Variants in KCNQ3 observed in about 807,000 individuals in gnomAD.
KCNQ3 encodes the protein potassium voltage-gated channel subfamily KQT member 3.
KCNQ3 carries 30 observed loss-of-function variants against 92.5 expected under a neutral mutation model. That is an observed-to-expected ratio of 0.32 (90% CI 0.24 to 0.44). The LOEUF is 0.44. Ranked by LOEUF, KCNQ3 falls within the 20% of genes least tolerant of loss-of-function variation. KCNQ3 has a pLI of 1.00. For missense variants in KCNQ3, 913 were observed against 1,140.3 expected (o/e 0.80, Z 2.87); for synonymous variants, 450 against 468.8 (o/e 0.96, Z 0.52).
chr8:132,265,766 CA>C (rs1185583804), intron 1 of KCNQ3, among the ~76,000 whole-genome samples: 2 of 152,192 alleles, frequency 1.3e-5, no homozygotes, highest in African/African-American at 4.8e-5. Context: ...CCTTATGTGT[CA>C]ATCTGTCTTA....
chr8:132,175,979 A>G (rs2130135737), intron 4 of KCNQ3, among the ~76,000 whole-genome samples: 1 of 152,310 alleles, frequency 6.6e-6, no homozygotes, highest in South Asian at 2.1e-4. Flanking sequence ...TGCGTAGAGC[A>G]AGGAGAAAGC....
chr8:132,372,503 C>A (rs1298570498), intron 1 of KCNQ3, among the ~76,000 whole-genome samples: 1 of 152,090 alleles, frequency 6.6e-6, no homozygotes, highest in Non-Finnish European at 1.5e-5. Flanking sequence ...CACCTGTAAT[C>A]CCAGCACTTT....
At chr8:132,228,963 A>G (rs1163204308) in intron 1 of KCNQ3, among the ~76,000 whole-genome samples, 2 of 150,338 alleles carry the variant, frequency 1.3e-5, no homozygotes, top group African/African-American at 2.5e-5. Context: ...TATCATAAAA[A>G]TCTTTCTGGA....
At chr8:132,445,776 C>A (rs899439221) in intron 1 of KCNQ3, among the ~76,000 whole-genome samples, 1 of 151,134 alleles carries the variant, frequency 6.6e-6, no homozygotes, top group Non-Finnish European at 1.5e-5. Context: ...CTCACAACTA[C>A]CCCATTTCAC....
rs901527695 is a variant in KCNQ3, at chr8:132,130,143, C to T, written c.1885-147G>A. On this transcript the variant is annotated intron_variant, in intron 14 of 14. Coordinates refer to ENST00000388996, the MANE Select transcript of KCNQ3 (RefSeq NM_004519.4). ...TGTCACCCAGGCTGGAGTGCAGTGG[C>T]GCGATCTGGGCTCATTGCAACTTCC... is the stretch of plus-strand genomic sequence containing the variant. 3.4e-5 allele frequency: 31 copies of T among 925,074 alleles called. 1 individual carries two copies. The East Asian group carries it at 3.7e-4, about 11-fold the overall frequency. The allele number at this position is 925,074 out of a possible 1,614,324, so 57.3% of individuals were successfully genotyped here. A position where few individuals can be genotyped will look rare whatever the true frequency, so the allele number is the denominator to read the frequency against.
At chr8:132,220,359 G>C (rs1352249138) in intron 1 of KCNQ3, among the ~76,000 whole-genome samples, 3 of 152,182 alleles carry the variant, frequency 2.0e-5, no homozygotes, top group African/African-American at 7.2e-5. Flanking sequence ...GCCAACTTAA[G>C]CTGGTTCTCC....
At chr8:132,458,896 T>G (rs1822002454) in intron 1 of KCNQ3, among the ~76,000 whole-genome samples, 1 of 152,262 alleles carries the variant, frequency 6.6e-6, no homozygotes, top group Non-Finnish European at 1.5e-5. Flanking sequence ...TAATGCATTT[T>G]TATTAACTAA....
intron 1 of KCNQ3, among the ~76,000 whole-genome samples, chr8:132,349,302 AC>A (rs1478232363): frequency 2.0e-5 from 3 of 152,246 alleles, no homozygotes; most frequent in Non-Finnish European, 4.4e-5. Flanking sequence ...GATTTACTTT[AC>A]ACTAAACTAG....
intron 1 of KCNQ3, among the ~76,000 whole-genome samples, chr8:132,323,047 G>A (rs891993407): frequency 6.6e-6 from 1 of 152,166 alleles, no homozygotes; most frequent in African/African-American, 2.4e-5. Context: ...AGCTGGACGT[G>A]CTTCCCTGCC....
intron 1 of KCNQ3, among the ~76,000 whole-genome samples, chr8:132,189,888 CAAAAAAA>C (rs776683880): frequency 3.6e-4 from 23 of 64,084 alleles, no homozygotes; most frequent in South Asian, 6.4e-4. Context: ...TAAAAATGAC[CAAAAAAA>C]AAAAAAAAAA....
chr8:132,325,398 G>T (rs1030356600), intron 1 of KCNQ3, among the ~76,000 whole-genome samples: 1 of 152,138 alleles, frequency 6.6e-6, no homozygotes, highest in African/African-American at 2.4e-5. Flanking sequence ...ACGACTGGCT[G>T]GTGTCATGGG....
chr8:132,177,487 A>G (rs1371606694), intron 4 of KCNQ3, among the ~76,000 whole-genome samples: 2 of 152,140 alleles, frequency 1.3e-5, no homozygotes, highest in Non-Finnish European at 2.9e-5. Context: ...ATTCTGCAGG[A>G]TTCTCCAGGT....
At chr8:132,236,276 A>G (rs1814811651) in intron 1 of KCNQ3, among the ~76,000 whole-genome samples, 1 of 152,204 alleles carries the variant, frequency 6.6e-6, no homozygotes, top group Non-Finnish European at 1.5e-5. Flanking sequence ...GAACATTTTA[A>G]AAACGCTTTC....
chr8:132,191,968 C>G (rs1205777837), intron 1 of KCNQ3, among the ~76,000 whole-genome samples: 2 of 152,198 alleles, frequency 1.3e-5, no homozygotes, highest in Non-Finnish European at 2.9e-5. Context: ...TAAGAAGCTA[C>G]TTGCGGACCT....
intron 1 of KCNQ3, among the ~76,000 whole-genome samples, chr8:132,250,179 G>C (rs907695855): frequency 6.6e-6 from 1 of 152,212 alleles, no homozygotes; most frequent in Non-Finnish European, 1.5e-5. Flanking sequence ...CACTGAGCGC[G>C]AGCGAGGGTC....
rs149016131 is a variant in KCNQ3 at position 132,312,597 on chromosome 8, C to T, written c.387-126416G>A. On this transcript the variant is annotated intron_variant, in intron 1 of 14. Coordinates refer to ENST00000388996, the MANE Select transcript of KCNQ3 (RefSeq NM_004519.4). ...CAGATATTATCTAGAATTGTAATCCCCATAATTCCCATGTGTCAAGGGAGA... is the reference window on the plus strand; with the variant it reads ...CAGATATTATCTAGAATTGTAATCCTCATAATTCCCATGTGTCAAGGGAGA... Among the ~76,000 whole-genome samples the T allele has an allele frequency of 2.7e-3, 418 of 152,244 alleles. 1 individual carries two copies. The highest frequency in any genetic ancestry group is 9.7e-3 in the African/African-American group (403 of 41,526).
At chr8:132,396,610 C>T (rs140160852) in intron 1 of KCNQ3, among the ~76,000 whole-genome samples, 79 of 152,180 alleles carry the variant, frequency 5.2e-4, no homozygotes, top group African/African-American at 1.6e-3. Flanking sequence ...ACAGTTGTAG[C>T]GGGTAAGATT....
chr8:132,141,468 C>A lies in KCNQ3; in HGVS notation c.1263-137G>T, dbSNP rs561031917. The A allele has an allele frequency of 5.5e-5, 44 of 796,894 alleles. No individual in the cohort carries two copies. The African/African-American group carries it at 6.0e-4, about 11-fold the overall frequency. 49.4% of individuals were successfully genotyped at this position (796,894 alleles called of 1,614,324 possible). A position where few individuals can be genotyped will look rare whatever the true frequency, so the allele number is the denominator to read the frequency against. On this transcript the variant is annotated intron_variant, in intron 9 of 14. Coordinates refer to ENST00000388996, the MANE Select transcript of KCNQ3 (RefSeq NM_004519.4). ...GCATTTCACAGTGCTGAATCTGACT[C>A]AGCAGCTTGGAATCGGACAGGGCGT...
rs1824630579 is a variant in KCNQ3, at chr8:132,125,316, A to G, written c.*3946T>C. 1 of 152,160 alleles carries G rather than the reference A, an allele frequency of 6.6e-6. No homozygotes were observed. Among genetic ancestry groups the G allele is most frequent in the African/African-American group, 2.4e-5 (1 of 41,416 alleles). The allele number at this position is 152,160 out of a possible 1,614,324, so 9.4% of individuals were successfully genotyped here. A position where few individuals can be genotyped will look rare whatever the true frequency, so the allele number is the denominator to read the frequency against. On this transcript the variant is annotated 3_prime_UTR_variant, in exon 15 of 15. Transcript: ENST00000388996. ...CTCTCATTTTCATGTTCAATTTTCTATAGTTTCCAAGCTAGGAAGCATTTC... is the reference window on the plus strand; with the variant it reads ...CTCTCATTTTCATGTTCAATTTTCTGTAGTTTCCAAGCTAGGAAGCATTTC...
Sources: allele counts gnomAD v4.1 joint callset (sites outside exome capture counted in the v4.1 genomes callset), GRCh38; gene constraint gnomAD v4.1.1; transcripts MANE v1.5; gene names NCBI Gene and HGNC (gene_info 2026-07-23, HGNC 2026-07-21).